ZNF91: variants seen among roughly 807,000 people sequenced by gnomAD.
ZNF91 encodes zinc finger protein 91, also known as zinc finger protein 91 (HPF7, HTF10).
A neutral mutation model predicts 12.6 loss-of-function variants in ZNF91; 7 were observed. That is an observed-to-expected ratio of 0.55 (90% CI 0.31 to 1.04). The LOEUF (loss-of-function observed/expected upper bound fraction) is 1.04, where lower values mean the gene tolerates loss of function less well. Among genes scored for constraint, ZNF91 ranks in the 50% least tolerant of loss-of-function variants. The probability of loss-of-function intolerance (pLI) is 0.05; values close to 1 mark genes in which losing one functional copy is unlikely to be tolerated. For missense variants in ZNF91, 1,217 were observed against 1,385.4 expected (o/e 0.88, Z 1.93); for synonymous variants, 453 against 462.6 (o/e 0.98, Z 0.27).
chr19:23,343,498 T>A (rs1485460976), intron 3 of ZNF91, among the ~76,000 whole-genome samples: 1 of 152,222 alleles, frequency 6.6e-6, no homozygotes, highest in African/African-American at 2.4e-5. Context: ...ATAAGGGATG[T>A]AAGAAAAATG....
chr19:23,317,236 G>A (rs958917989), intron 1 of ZNF91, among the ~76,000 whole-genome samples: 1 of 152,050 alleles, frequency 6.6e-6, no homozygotes, highest in African/African-American at 2.4e-5. Context: ...TTTTAGTAGA[G>A]ACGGGGTTTC....
intron 3 of ZNF91, among the ~76,000 whole-genome samples, chr19:23,367,768 G>A (rs1244271959): frequency 2.0e-5 from 3 of 152,110 alleles, no homozygotes; most frequent in Non-Finnish European, 2.9e-5. Flanking sequence ...AAATTGACAT[G>A]AGCACACAAT....
At chr19:23,374,842 G>T in intron 1 of ZNF91, 78 bp from the exon 2 acceptor site, 2 of 1,579,028 alleles carry the variant, frequency 1.3e-6, no homozygotes, top group East Asian at 4.6e-5. Context: ...GGTAAAATCA[G>T]AAAGTGACTA....
At chr19:23,356,228 T>C (rs995719415), downstream of ZNF91, among the ~76,000 whole-genome samples, 1 of 152,216 alleles carries the variant, frequency 6.6e-6, no homozygotes, top group Non-Finnish European at 1.5e-5. Context: ...TGCATGTTTC[T>C]AGCAGCACAA....
chr19:23,359,471 C>G lies in ZNF91; in HGVS notation c.3508G>C (p.Ala1170Pro). ...PVIPLLWEAE[A>P]GGSRGQEMET... ...ATCTCCTGACCTCGTGATCCGCCCGCCTCGGCCTCCCAAAGTAGTGGGATT... is the reference window on the plus strand; with the variant it reads ...ATCTCCTGACCTCGTGATCCGCCCGGCTCGGCCTCCCAAAGTAGTGGGATT... Residue 1170 changes from alanine to proline, a missense_variant, in exon 4 of 4, where the codon GCG becomes CCG. Physicochemically the swap from Ala to Pro is conservative, Grantham distance 27 (BLOSUM62 -1). This residue lies in a region of ZNF91 where 491 missense variants were observed against 489.8 expected (regional missense o/e 1.00). Coordinates refer to ENST00000300619, the MANE Select transcript of ZNF91 (RefSeq NM_003430.4). The G allele has an allele frequency of 6.3e-7, 1 of 1,595,368 alleles. No homozygotes were observed. The highest frequency in any genetic ancestry group is 1.3e-5 in the African/African-American group (1 of 74,548).
chr19:23,373,601 AGCATAATTT>A, intron 3 of ZNF91, 132 bp downstream of exon 3: 1 of 545,396 alleles, frequency 1.8e-6, no homozygotes. Flanking sequence ...CAGAAGTGAT[AGCATAATTT>A]AAAAAAAAAA....
In ZNF91 at chr19:23,361,858, T is replaced by C. The variant is rs745599269; in HGVS notation, c.1121A>G (p.Glu374Gly). ...TTCTTTACATTTGTAGGGTTTCTCT[T>C]CAGTATGAGTTATCTTATGATTAGC... ...TLANHKITHT[E>G]EKPYKCKECD... Residue 374 changes from glutamate (E) to glycine (G), a missense_variant, in exon 4 of 4, where the codon GAA becomes GGA. Around this residue, in one of 2 missense-constraint regions of ZNF91, gnomAD observed 726 missense variants for 895.5 expected, o/e 0.81. Coordinates refer to ENST00000300619, the MANE Select transcript of ZNF91 (RefSeq NM_003430.4). 52 of 1,608,154 alleles carry C rather than the reference T, an allele frequency of 3.2e-5. No individual in the cohort carries two copies. The highest frequency in any genetic ancestry group is 4.1e-5 in the Non-Finnish European group (48 of 1,176,668).
intron 3 of ZNF91, among the ~76,000 whole-genome samples, chr19:23,371,158 T>C (rs550717830): frequency 3.3e-4 from 50 of 152,046 alleles, no homozygotes; most frequent in African/African-American, 1.1e-3. Context: ...CTAACCAACA[T>C]GAGAGAAACC....
rs576503378 is a variant in ZNF91 at position 23,323,417 on chromosome 19, C to T, written n.117-14320G>A. Among the ~76,000 whole-genome samples the T allele has an allele frequency of 5.0e-4, 72 of 145,426 alleles. No individual in the cohort carries two copies. In the South Asian group the frequency reaches 0.012, roughly 24 times the overall value. Reference sequence around the variant, plus strand: ...TTCCCCCTCCTTTTCTTTGTTCCTACTTTCCTCCTTCTCCCCATTCTTTTC... The same window carrying T: ...TTCCCCCTCCTTTTCTTTGTTCCTATTTTCCTCCTTCTCCCCATTCTTTTC... On this transcript the variant is annotated intron_variant and non_coding_transcript_variant, in intron 1 of 1. Coordinates refer to the ZNF91 transcript ENST00000596528.
chr19:23,336,724 A>T (rs1400282978), downstream of ZNF91, among the ~76,000 whole-genome samples: 5 of 152,116 alleles, frequency 3.3e-5, no homozygotes, highest in African/African-American at 1.2e-4. Flanking sequence ...TTTACCAAGG[A>T]CTGTTTTTGC....
intron 1 of ZNF91, among the ~76,000 whole-genome samples, chr19:23,375,128 CAATA>C (rs751143485): frequency 2.8e-4 from 42 of 151,486 alleles, no homozygotes; most frequent in Non-Finnish European, 5.6e-4. Context: ...ATTTCAGACA[CAATA>C]GACACGTTGA....
Position 23,360,735 on chromosome 19 carries a change from G to A in ZNF91, c.2244C>T (p.Gly748=), listed in dbSNP as rs1300790139. Residue 748 remains glycine (G), a synonymous_variant, in exon 4 of 4, where the codon GGC becomes GGT. Transcript: ENST00000300619. ...GEKPYKCEEC[G]KAFNWSSSLT... ...GGCTTGAGGACCAGTTAAATGCTTT[G>A]CCACATTCTTCACACTTGTAAGGTT... 26 of 1,613,664 alleles carry A rather than the reference G, an allele frequency of 1.6e-5. No individual in the cohort carries two copies. The highest frequency in any genetic ancestry group is 2.2e-5 in the Non-Finnish European group (26 of 1,179,822).
Position 23,368,516 on chromosome 19 carries a change from CTCT to C in ZNF91, c.253+5223_253+5225del, listed in dbSNP as rs1969112946. On this transcript the variant is annotated intron_variant, in intron 3 of 3. Transcript: ENST00000300619. Reference sequence around the variant, plus strand: ...GGTGACAGAGCGAAACTCCATCTCTCTCTCTCTCTCTCTCTCTCTCTCTCTCTC... The same window carrying C: ...GGTGACAGAGCGAAACTCCATCTCTCCTCTCTCTCTCTCTCTCTCTCTCTC... Among the ~76,000 whole-genome samples, 8 of 13,700 alleles carry C rather than the reference CTCT, an allele frequency of 5.8e-4. No individual in the cohort carries two copies. The East Asian group carries it at 7.6e-3, about 13-fold the overall frequency. 9.0% of individuals were successfully genotyped at this position (13,700 alleles called of 152,430 possible).
chr19:23,364,052 C>T (rs1436265887), intron 3 of ZNF91, among the ~76,000 whole-genome samples: 10 of 152,174 alleles, frequency 6.6e-5, no homozygotes, highest in Non-Finnish European at 1.5e-4. Context: ...GGCATGGTGG[C>T]TCACACCTGT....
intron 1 of ZNF91, among the ~76,000 whole-genome samples, chr19:23,386,747 G>C (rs980069096): frequency 1.3e-5 from 2 of 152,080 alleles, no homozygotes; most frequent in Non-Finnish European, 2.9e-5. Context: ...ACAGAAACTG[G>C]CAGAGATTTC....
chr19:23,356,136 A>ATT (rs2145038388), downstream of ZNF91, among the ~76,000 whole-genome samples: 1 of 152,262 alleles, frequency 6.6e-6, no homozygotes, highest in African/African-American at 2.4e-5. Context: ...TAAAAGTAGA[A>ATT]CTAGCATTTG....
At chr19:23,374,382 A>G (rs1217524242) in intron 2 of ZNF91, among the ~76,000 whole-genome samples, 1 of 142,660 alleles carries the variant, frequency 7.0e-6, no homozygotes, top group Non-Finnish European at 1.5e-5. Context: ...TCTCTACTAA[A>G]AATACCAAAA....
At chr19:23,392,726 G>A (rs555004369) in intron 1 of ZNF91, among the ~76,000 whole-genome samples, 1 of 151,840 alleles carries the variant, frequency 6.6e-6, no homozygotes, top group African/African-American at 2.4e-5. Flanking sequence ...TTGAATCCAG[G>A]AGGCAGAGGT....
At position 23,323,610 on chromosome 19, in the gene ZNF91, CCTT is replaced by C. The variant is rs144048477; in HGVS notation, n.117-14516_117-14514del. On this transcript the variant is annotated intron_variant and non_coding_transcript_variant, in intron 1 of 1. Coordinates refer to the ZNF91 transcript ENST00000596528. ...TCCTCCTTTTCCTTCTTTTCCTCCTCCTTTTCTCTTCTCCTTTCTCCTCCTCCT... is the reference window on the plus strand; with the variant it reads ...TCCTCCTTTTCCTTCTTTTCCTCCTCTTCTCTTCTCCTTTCTCCTCCTCCT... 1.6e-3 allele frequency among the ~76,000 whole-genome samples: 190 copies of C among 121,176 alleles called. 1 individual carries two copies. Among genetic ancestry groups the C allele is most frequent in the African/African-American group, 5.4e-3 (150 of 27,766 alleles). The allele number at this position is 121,176 out of a possible 152,430, so 79.5% of individuals were successfully genotyped here. A position where few individuals can be genotyped will look rare whatever the true frequency, so the allele number is the denominator to read the frequency against.
Sources: gnomAD v4.1 joint callset for allele counts (sites outside exome capture counted in the v4.1 genomes callset) on GRCh38, gnomAD v4.1.1 for gene constraint, gnomAD v4.1.1 regional missense constraint, MANE v1.5 for transcripts, NCBI Gene and HGNC (gene_info 2026-07-23, HGNC 2026-07-21) for gene names.